The following MCUB variants were observed in gnomAD, a reference collection of about 807,000 sequenced individuals.
The protein encoded by MCUB is calcium uniporter regulatory subunit MCUb, mitochondrial.
A neutral mutation model predicts 41.4 loss-of-function variants in MCUB; 46 were observed. The ratio of observed to expected loss-of-function variants is 1.11; its 90% CI spans 0.88 to 1.42. The LOEUF is 1.42. Among genes scored for constraint, MCUB ranks in the 40% most tolerant of loss-of-function variants. The pLI is 0.00. For synonymous variants in MCUB, 148 were observed against 148.2 expected (o/e 1.00, Z 0.01); for missense variants, 403 against 404.9 (o/e 1.00, Z 0.04).
intron 1 of MCUB, among the ~76,000 whole-genome samples, chr4:109,649,563 C>T (rs1329880380): frequency 6.6e-6 from 1 of 152,110 alleles, no homozygotes; most frequent in Non-Finnish European, 1.5e-5. Context: ...TTTGAAGATA[C>T]TCCTTTGCCT....
At chr4:109,566,693 C>T (rs113373730) in intron 1 of MCUB, among the ~76,000 whole-genome samples, 3 of 152,170 alleles carry the variant, frequency 2.0e-5, no homozygotes, top group South Asian at 4.2e-4. Context: ...ACCAATTAGA[C>T]GAATCTCCTT....
intron 1 of MCUB, among the ~76,000 whole-genome samples, chr4:109,643,269 T>C (rs1728761706): frequency 8.6e-6 from 1 of 116,322 alleles, no homozygotes; most frequent in South Asian, 2.4e-4. Context: ...CACGGCAACT[T>C]CTGCCTCCGG....
intron 1 of MCUB, among the ~76,000 whole-genome samples, chr4:109,615,722 A>G (rs1043496959): frequency 5.9e-5 from 9 of 152,104 alleles, no homozygotes; most frequent in African/African-American, 2.2e-4. Flanking sequence ...ATGTGAATTT[A>G]TTTGCTAGGT....
chr4:109,664,252 A>G, intron 3 of MCUB, 38 bp from the exon 4 acceptor site: 1 of 1,008,298 alleles, frequency 9.9e-7, no homozygotes, highest in Middle Eastern at 2.0e-4. Context: ...TACTGTTCTA[A>G]AACAAAGACA....
intron 2 of MCUB, among the ~76,000 whole-genome samples, chr4:109,659,451 G>A (rs953097869): frequency 1.3e-5 from 2 of 152,100 alleles, no homozygotes; most frequent in African/African-American, 4.8e-5. Context: ...TTAGCCAGGT[G>A]TGATGGCACA....
At chr4:109,625,584 T>A (rs1334222715) in intron 1 of MCUB, among the ~76,000 whole-genome samples, 1 of 152,238 alleles carries the variant, frequency 6.6e-6, no homozygotes, top group Non-Finnish European at 1.5e-5. Flanking sequence ...ATAGGTTAGG[T>A]GCATTTTCAG....
chr4:109,590,262 T>A (rs1398055279), intron 1 of MCUB, among the ~76,000 whole-genome samples: 3 of 152,232 alleles, frequency 2.0e-5, no homozygotes, highest in Non-Finnish European at 4.4e-5. Context: ...AAGTATTTCA[T>A]GATCAGTATG....
At chr4:109,583,815 G>C (rs999642711) in intron 1 of MCUB, among the ~76,000 whole-genome samples, 6 of 152,272 alleles carry the variant, frequency 3.9e-5, no homozygotes, top group African/African-American at 1.4e-4. Context: ...CATCTATTGA[G>C]ATAATCATGG....
rs181986265 is a variant in MCUB, at chr4:109,661,793, G to A, written c.346+1428G>A. ...CACACCTGTAATCCCAGCACTTTGG[G>A]AGGCCGAGGTGGGTGGATCACCTGA... On this transcript the variant is annotated intron_variant, in intron 3 of 7. Coordinates refer to ENST00000394650, the MANE Select transcript of MCUB (RefSeq NM_017918.5). 5.1e-3 allele frequency among the ~76,000 whole-genome samples: 772 copies of A among 152,268 alleles called. 3 individuals carry two copies. Among genetic ancestry groups the A allele is most frequent in the African/African-American group, 0.018 (733 of 41,536 alleles).
At chr4:109,664,188 A>C in intron 3 of MCUB, 102 bp from the exon 4 acceptor site, 1 of 691,180 alleles carries the variant, frequency 1.4e-6, no homozygotes, top group Non-Finnish European at 2.6e-6. Context: ...ATTGTCCACT[A>C]TTATATTGTA....
At chr4:109,644,044 A>G (rs1262286713) in intron 1 of MCUB, among the ~76,000 whole-genome samples, 1 of 152,194 alleles carries the variant, frequency 6.6e-6, no homozygotes, top group Non-Finnish European at 1.5e-5. Flanking sequence ...AATTAGGTAC[A>G]TTATATTCAG....
intron 4 of MCUB, among the ~76,000 whole-genome samples, chr4:109,679,089 G>C (rs1274750907): frequency 6.7e-6 from 1 of 148,612 alleles, no homozygotes; most frequent in Non-Finnish European, 1.5e-5. Context: ...TTCCCATTAG[G>C]GGCAGCCGGG....
At chr4:109,656,311 A>G (rs1237213697) in intron 1 of MCUB, among the ~76,000 whole-genome samples, 1 of 139,078 alleles carries the variant, frequency 7.2e-6, no homozygotes, top group Non-Finnish European at 1.5e-5. Context: ...GACTTCCAGG[A>G]TTATAGAGAA....
chr4:109,581,273 C>A lies in MCUB; in HGVS notation c.99+20837C>A, dbSNP rs374136690. On this transcript the variant is annotated intron_variant, in intron 1 of 7. Coordinates refer to ENST00000394650, the MANE Select transcript of MCUB (RefSeq NM_017918.5). ...CTTTGACAAACCTGACAAAAACAAG[C>A]AATGGGGAAAGGATTCCCTATTTAA... 2.8e-4 allele frequency among the ~76,000 whole-genome samples: 43 copies of A among 152,252 alleles called. No homozygotes were observed. The East Asian group carries it at 6.8e-3, about 24-fold the overall frequency.
In MCUB at chr4:109,685,337, AT is replaced by A. The variant is rs1186525307; in HGVS notation, c.904del (p.Tyr302ThrfsTer4). 1 of 1,569,114 alleles carries A rather than the reference AT, an allele frequency of 6.4e-7. No homozygotes were observed. Among genetic ancestry groups the A allele is most frequent in the African/African-American group, 1.4e-5 (1 of 74,036 alleles). ...AGCAACAGCACTTTGATGTGCAGCA[AT>A]ACAACAAGTTAAAAGAAGACCTTGC... ...SKQQHFDVQQ[Y>X]NKLKEDLAKA... On this transcript the variant is annotated frameshift_variant, in exon 7 of 8. Transcript: ENST00000394650. LOFTEE classifies it low-confidence loss of function (END_TRUNC).
chr4:109,583,079 G>T (rs982922450), intron 1 of MCUB, among the ~76,000 whole-genome samples: 11 of 152,080 alleles, frequency 7.2e-5, no homozygotes, highest in Non-Finnish European at 1.2e-4. Context: ...CTTTAAAGTA[G>T]TTTTTTCCAA....
intron 1 of MCUB, among the ~76,000 whole-genome samples, chr4:109,652,806 G>A (rs1307944878): frequency 6.6e-6 from 1 of 152,106 alleles, no homozygotes; most frequent in African/African-American, 2.4e-5. Context: ...AATATTCTAG[G>A]TTGGTAATTA....
At chr4:109,652,604 A>T (rs758218873) in intron 1 of MCUB, among the ~76,000 whole-genome samples, 2 of 152,172 alleles carry the variant, frequency 1.3e-5, no homozygotes, top group African/African-American at 4.8e-5. Context: ...AGAAAGCTCA[A>T]TCAAACCCGC....
intron 1 of MCUB, among the ~76,000 whole-genome samples, chr4:109,615,116 T>G (rs186469638): frequency 6.0e-4 from 92 of 152,322 alleles, no homozygotes; most frequent in Admixed American, 1.2e-3. Context: ...AGCTGGCAAG[T>G]GCCCTCTTTT....
Sources: gnomAD v4.1 joint callset for allele counts (sites outside exome capture counted in the v4.1 genomes callset) on GRCh38, gnomAD v4.1.1 for gene constraint, MANE v1.5 for transcripts, NCBI Gene and HGNC (gene_info 2026-07-23, HGNC 2026-07-21) for gene names.